PRKN: variants seen among roughly 807,000 people sequenced by gnomAD.
PRKN encodes the protein parkin RBR E3 ubiquitin protein ligase, also known as E3 ubiquitin-protein ligase parkin.
A neutral mutation model predicts 59.5 loss-of-function variants in PRKN; 56 were observed. That is an observed-to-expected ratio of 0.94 (90% CI 0.76 to 1.18). The LOEUF (loss-of-function observed/expected upper bound fraction) is 1.18. Ranked by LOEUF, PRKN falls within the 50% of genes most tolerant of loss-of-function variation. The probability of loss-of-function intolerance (pLI) is 0.00; values close to 1 mark genes in which losing one functional copy is unlikely to be tolerated. For missense variants in PRKN, 657 were observed against 596.4 expected, an observed-to-expected ratio of 1.10 and a Z score of -1.06; for synonymous variants, 250 against 222.1, an observed-to-expected ratio of 1.13 and a Z score of -1.12.
chr6:162,445,689 T>TAA lies in PRKN; in HGVS notation c.8-2218_8-2217dup, dbSNP rs71004091. Among the ~76,000 whole-genome samples, 10 of 28,748 alleles carry TAA rather than the reference T, an allele frequency of 3.5e-4. 2 individuals are homozygous for TAA. Among genetic ancestry groups the TAA allele is most frequent in the Admixed American group, 6.6e-4 (1 of 1,518 alleles). 18.9% of individuals were successfully genotyped at this position (28,748 alleles called of 152,430 possible). A position where few individuals can be genotyped will look rare whatever the true frequency, so the allele number is the denominator to read the frequency against. ...CACCCTGGGTGACAGAGACCTTGTC[T>TAA]AAAAAAAAAAAAAAAAAAAAAAAAA... is the stretch of plus-strand genomic sequence containing the variant. On this transcript the variant is annotated intron_variant, in intron 1 of 11. Coordinates refer to ENST00000366898, the MANE Select transcript of PRKN (RefSeq NM_004562.3).
intron 2 of PRKN, among the ~76,000 whole-genome samples, chr6:162,427,154 G>A (rs1269091739): frequency 6.6e-6 from 1 of 152,174 alleles, no homozygotes; most frequent in Non-Finnish European, 1.5e-5. Flanking sequence ...TGACAGAAAA[G>A]TTTACACCAG....
chr6:161,806,099 T>C (rs552403541), intron 6 of PRKN, among the ~76,000 whole-genome samples: 215 of 152,292 alleles, frequency 1.4e-3, no homozygotes, highest in African/African-American at 5.0e-3. Context: ...TGGAGATTCA[T>C]TTTCTGTCCA....
chr6:161,443,875 C>T (rs150309461), intron 9 of PRKN, among the ~76,000 whole-genome samples: 3 of 152,264 alleles, frequency 2.0e-5, no homozygotes, highest in South Asian at 2.1e-4. Flanking sequence ...CCTCTCTAAA[C>T]GTCTCTAGCT....
At chr6:162,556,016 G>GAAC (rs1032092314) in intron 1 of PRKN, among the ~76,000 whole-genome samples, 1 of 145,198 alleles carries the variant, frequency 6.9e-6, no homozygotes, top group African/African-American at 2.5e-5. Context: ...AAACATTGGA[G>GAAC]AACATAACTT....
intron 1 of PRKN, among the ~76,000 whole-genome samples, chr6:162,678,358 C>T (rs1447592455): frequency 1.3e-5 from 2 of 152,126 alleles, no homozygotes; most frequent in African/African-American, 4.8e-5. Flanking sequence ...CTGTATATTT[C>T]ACTATATAAG....
At chr6:162,363,633 C>T (rs1413059673) in intron 2 of PRKN, among the ~76,000 whole-genome samples, 1 of 151,926 alleles carries the variant, frequency 6.6e-6, no homozygotes, top group East Asian at 1.9e-4. Context: ...TACTATTATG[C>T]CTTCAGTTAA....
intron 5 of PRKN, among the ~76,000 whole-genome samples, chr6:162,009,704 G>A (rs1400651428): frequency 1.3e-5 from 2 of 151,882 alleles, no homozygotes; most frequent in Admixed American, 6.6e-5. Flanking sequence ...GGGAAGCTGA[G>A]GCAGGTAGAT....
At chr6:162,398,186 G>A (rs569572363) in intron 2 of PRKN, among the ~76,000 whole-genome samples, 1 of 152,172 alleles carries the variant, frequency 6.6e-6, no homozygotes, top group African/African-American at 2.4e-5. Context: ...AGAGTGCTAT[G>A]TAATACAAAC....
Position 162,469,946 on chromosome 6 carries a change from G to C in PRKN, c.8-26473C>G, listed in dbSNP as rs553031219. On this transcript the variant is annotated intron_variant, in intron 1 of 11. Transcript: ENST00000366898. ...GAAGGAGGGAGCTAACTGTCCATAA[G>C]TATTCAAAGAGCAGGTATGCAGAAG... is the stretch of plus-strand genomic sequence containing the variant. 1.1e-4 allele frequency among the ~76,000 whole-genome samples: 17 copies of C among 152,294 alleles called. No homozygotes were observed. The South Asian group carries it at 2.9e-3, about 26-fold the overall frequency.
At chr6:161,415,858 C>G (rs904087209) in intron 9 of PRKN, among the ~76,000 whole-genome samples, 1 of 151,964 alleles carries the variant, frequency 6.6e-6, no homozygotes, top group Non-Finnish European at 1.5e-5. Context: ...CACAGTGTCT[C>G]CTGGAGCTGC....
At chr6:161,898,414 A>G (rs892097489) in intron 6 of PRKN, among the ~76,000 whole-genome samples, 1 of 152,180 alleles carries the variant, frequency 6.6e-6, no homozygotes, top group Non-Finnish European at 1.5e-5. Context: ...CACTGTTCAC[A>G]ATATCCTTTC....
At chr6:162,310,221 T>C (rs1374291495) in intron 2 of PRKN, among the ~76,000 whole-genome samples, 1 of 152,164 alleles carries the variant, frequency 6.6e-6, no homozygotes, top group Non-Finnish European at 1.5e-5. Flanking sequence ...TCATGTCACA[T>C]GTCAACCAAA....
intron 2 of PRKN, among the ~76,000 whole-genome samples, chr6:162,379,715 C>T (rs764866752): frequency 2.6e-5 from 4 of 152,106 alleles, no homozygotes; most frequent in Non-Finnish European, 4.4e-5. Flanking sequence ...CTCCTGGGGA[C>T]GTCACATATT....
At position 162,399,223 on chromosome 6, in the gene PRKN, T is replaced by C. The variant is rs139111588; in HGVS notation, c.171+44087A>G. Among the ~76,000 whole-genome samples the C allele has an allele frequency of 6.3e-3, 953 of 152,262 alleles. 9 individuals carry two copies. Among genetic ancestry groups the C allele is most frequent in the African/African-American group, 0.022 (920 of 41,532 alleles). Reference sequence around the variant, plus strand: ...AACTGTGGAAGGAAGCCAGAGATATTGTCATGGAGAGACATCTTCCTGAAA... The same window carrying C: ...AACTGTGGAAGGAAGCCAGAGATATCGTCATGGAGAGACATCTTCCTGAAA... On this transcript the variant is annotated intron_variant, in intron 2 of 11. Coordinates refer to ENST00000366898, the MANE Select transcript of PRKN (RefSeq NM_004562.3).
intron 10 of PRKN, among the ~76,000 whole-genome samples, chr6:161,364,907 G>T (rs565072489): frequency 2.7e-5 from 4 of 150,710 alleles, no homozygotes; most frequent in African/African-American, 9.9e-5. Context: ...CTCCAGCCTG[G>T]GCAACGGAGT....
At chr6:162,634,441 C>A (rs1049964688) in intron 1 of PRKN, among the ~76,000 whole-genome samples, 1 of 152,124 alleles carries the variant, frequency 6.6e-6, no homozygotes, top group African/African-American at 2.4e-5. Context: ...GCTCCCTGTT[C>A]TGCTGTTTCT....
In PRKN at chr6:161,518,054, G is replaced by C. The variant is rs1343399612; in HGVS notation, c.1083+30800C>G. 6.6e-6 allele frequency among the ~76,000 whole-genome samples: 1 copy of C among 152,214 alleles called. No homozygotes were observed. The highest frequency in any genetic ancestry group is 1.5e-5 in the Non-Finnish European group (1 of 68,042). On this transcript the variant is annotated intron_variant, in intron 9 of 11. Coordinates refer to ENST00000366898, the MANE Select transcript of PRKN (RefSeq NM_004562.3). This position sits in a 1 kb window ranked among gnomAD's most constrained non-coding sequence, Gnocchi z 5.0. Reference sequence around the variant, plus strand: ...GGCTGCACAGTGGCTTCAAGCTGGAGGGAGATTTGGCTTCTATGAGGGCAT... The same window carrying C: ...GGCTGCACAGTGGCTTCAAGCTGGACGGAGATTTGGCTTCTATGAGGGCAT...
intron 6 of PRKN, among the ~76,000 whole-genome samples, chr6:161,839,304 G>A (rs906677992): frequency 1.3e-5 from 2 of 152,102 alleles, no homozygotes; most frequent in African/African-American, 4.8e-5. Context: ...GAGCTGGGAT[G>A]GGCTCACTCC....
At chr6:161,656,892 A>C (rs147861121) in intron 7 of PRKN, among the ~76,000 whole-genome samples, 1 of 152,332 alleles carries the variant, frequency 6.6e-6, no homozygotes, top group Non-Finnish European at 1.5e-5. Context: ...ATCATATAAT[A>C]CTGCTTTAGG....
Sources: gnomAD v4.1 joint callset for allele counts (sites outside exome capture counted in the v4.1 genomes callset) on GRCh38, gnomAD v4.1.1 for gene constraint, Gnocchi (gnomAD v3.1) non-coding constraint, MANE v1.5 for transcripts, NCBI Gene and HGNC (gene_info 2026-07-23, HGNC 2026-07-21) for gene names.